Variants in FBN2 observed in about 807,000 individuals in gnomAD.
FBN2 encodes the protein fibrillin 2, also known as fibrillin-2.
A neutral mutation model predicts 355.6 loss-of-function variants in FBN2; 105 were observed. That is an observed-to-expected ratio of 0.30 (90% CI 0.25 to 0.35). The LOEUF (loss-of-function observed/expected upper bound fraction) is 0.35. FBN2 is among the 10% of genes least tolerant of loss of function. The pLI is 1.00. For synonymous variants in FBN2, 1,350 were observed against 1,301.2 expected (o/e 1.04, Z -0.81); for missense variants, 3,280 against 3,758.7 (o/e 0.87, Z 3.33).
At chr5:128,309,133 AT>A in intron 41 of FBN2, 113 bp downstream of exon 41, 2 of 1,126,714 alleles carry the variant, frequency 1.8e-6, no homozygotes, top group Non-Finnish European at 1.3e-6. Flanking sequence ...GCTCTTGGGA[AT>A]TTTTGGAACT....
chr5:128,510,800 G>T (rs1482679162), intron 5 of FBN2, among the ~76,000 whole-genome samples: 1 of 152,000 alleles, frequency 6.6e-6, no homozygotes, highest in African/African-American at 2.4e-5. Context: ...TACTCATATT[G>T]AACTGACACA....
intron 15 of FBN2, among the ~76,000 whole-genome samples, chr5:128,372,006 C>T (rs1715345266): frequency 6.6e-6 from 1 of 152,076 alleles, no homozygotes; most frequent in South Asian, 2.1e-4. Context: ...AGACTATGAC[C>T]TAGATATGAT....
At chr5:128,353,287 C>A (rs1000164018) in intron 20 of FBN2, among the ~76,000 whole-genome samples, 1 of 152,082 alleles carries the variant, frequency 6.6e-6, no homozygotes, top group Non-Finnish European at 1.5e-5. Context: ...ATAGTAATTT[C>A]TGATTCCCTA....
At chr5:128,291,095 C>T (rs1028255760) in intron 49 of FBN2, among the ~76,000 whole-genome samples, 2 of 152,026 alleles carry the variant, frequency 1.3e-5, no homozygotes, top group African/African-American at 2.4e-5. Context: ...TTATAATGTG[C>T]TAAGAAAATT....
At chr5:128,481,958 C>A (rs6595829) in intron 5 of FBN2, among the ~76,000 whole-genome samples, 57,462 of 151,898 alleles carry the variant, frequency 0.38, 12,278 homozygotes, top group African/African-American at 0.59. Flanking sequence ...ACTGTGGGTT[C>A]CATATGTAAT....
At chr5:128,263,733 G>C (rs570581245) in intron 62 of FBN2, 77 bp from the exon 63 acceptor site, 1 of 954,028 alleles carries the variant, frequency 1.0e-6, no homozygotes, top group Non-Finnish European at 1.6e-6. Context: ...GGAGTCTCAA[G>C]TGCCTGTGAT....
Position 128,291,522 on chromosome 5 carries a change from A to G in FBN2, c.6292+7T>C, listed in dbSNP as rs775471488. The G allele has an allele frequency of 8.7e-6, 14 of 1,613,734 alleles. No individual in the cohort carries two copies. Among genetic ancestry groups the G allele is most frequent in the Non-Finnish European group, 1.1e-5 (13 of 1,179,824 alleles). On this transcript the variant is annotated splice_region_variant and intron_variant, in intron 49 of 64. Coordinates refer to ENST00000262464, the MANE Select transcript of FBN2 (RefSeq NM_001999.4). ...AACTGTGACAGTGAAGTCATGCCAA[A>G]TCTTACCAAAGCATCTCCGTCCATT...
chr5:128,428,907 T>C (rs1223220805), intron 7 of FBN2, among the ~76,000 whole-genome samples: 2 of 152,172 alleles, frequency 1.3e-5, no homozygotes, highest in Non-Finnish European at 2.9e-5. Context: ...CTCTCACGGA[T>C]GATTCTAGGG....
intron 6 of FBN2, among the ~76,000 whole-genome samples, chr5:128,447,158 A>G (rs1445117363): frequency 6.6e-6 from 1 of 152,196 alleles, no homozygotes; most frequent in African/African-American, 2.4e-5. Flanking sequence ...TAACGGCACA[A>G]ATTGTTTAAA....
In FBN2 at chr5:128,278,664, T is replaced by C; in HGVS notation, c.7316A>G (p.His2439Arg). 2 of 1,614,092 alleles carry C rather than the reference T, an allele frequency of 1.2e-6. No homozygotes were observed. ...TCCATCAGTTGTATATCCTGGGCCA[T>C]GAGGACATATCTTTTTGTACTGGGC... Reference protein sequence around the residue: ...GTAQYKKICPHGPGYTTDGRD... With the variant: ...GTAQYKKICPRGPGYTTDGRD... The change falls in exon 57 of 65, where the codon CAT becomes CGT. Residue 2439 changes from histidine to arginine, a missense_variant. Transcript: ENST00000262464.
chr5:128,364,663 C>G lies in FBN2; in HGVS notation c.2365G>C (p.Gly789Arg), dbSNP rs886038969. Residue 789 changes from glycine to arginine, a missense_variant, in exon 18 of 65, where the codon GGT becomes CGT. Physicochemically the swap from Gly to Arg is moderately radical, Grantham distance 125. Transcript: ENST00000262464. ...CANGICENLR[G>R]SYRCNCNSGY... ...CTGTTGCAATTACAACGGTAACTAC[C>G]ACGTAAGTTTTCACAAATCCCATTG... 1.9e-6 allele frequency: 3 copies of G among 1,613,282 alleles called. 1 individual carries two copies. In the Admixed American group the frequency reaches 5.0e-5, roughly 27 times the overall value.
intron 7 of FBN2, among the ~76,000 whole-genome samples, chr5:128,418,203 T>A (rs192893154): frequency 1.7e-3 from 265 of 152,286 alleles, no homozygotes; most frequent in African/African-American, 5.9e-3. Flanking sequence ...GATTAGTTAG[T>A]CATCTCAACT....
intron 5 of FBN2, among the ~76,000 whole-genome samples, chr5:128,481,000 C>G (rs529747830): frequency 6.6e-6 from 1 of 152,136 alleles, no homozygotes. Context: ...ATAGCAGGAT[C>G]CTTCCAAGAA....
chr5:128,472,745 C>T (rs781713384), intron 5 of FBN2, among the ~76,000 whole-genome samples: 2 of 150,866 alleles, frequency 1.3e-5, no homozygotes, highest in Non-Finnish European at 2.9e-5. Context: ...GAGCTGAGAT[C>T]GCGCCATTGC....
At chr5:128,349,841 T>C (rs913988499) in intron 22 of FBN2, 114 bp downstream of exon 22, 21 of 832,856 alleles carry the variant, frequency 2.5e-5, no homozygotes, top group Non-Finnish European at 4.1e-5. Context: ...AGTATTTTTA[T>C]TGAAATGTCA....
At position 128,293,787 on chromosome 5, in the gene FBN2, G is replaced by A. The variant is rs934670088; in HGVS notation, c.6167-2133C>T. On this transcript the variant is annotated intron_variant, in intron 48 of 64. Coordinates refer to ENST00000262464, the MANE Select transcript of FBN2 (RefSeq NM_001999.4). ...AAAGAAGAATCAAGATTGAGCATGA[G>A]CAAAGAAAATGGAAGAACAACAGGA... 3.3e-5 allele frequency among the ~76,000 whole-genome samples: 5 copies of A among 151,844 alleles called. No homozygotes were observed. The East Asian group carries it at 5.8e-4, about 18-fold the overall frequency.
At chr5:128,437,787 TA>T (rs1753809543) in intron 7 of FBN2, among the ~76,000 whole-genome samples, 1 of 134,526 alleles carries the variant, frequency 7.4e-6, no homozygotes. Flanking sequence ...GATAGATAGA[TA>T]GATAGATAGA....
intron 5 of FBN2, among the ~76,000 whole-genome samples, chr5:128,491,542 C>A (rs1755504655): frequency 6.6e-6 from 1 of 152,180 alleles, no homozygotes; most frequent in Admixed American, 6.5e-5. Flanking sequence ...ATTCACACTA[C>A]CACAACCCAC....
chr5:128,469,526 G>A (rs1017697768), intron 5 of FBN2, among the ~76,000 whole-genome samples: 17 of 38,750 alleles, frequency 4.4e-4, no homozygotes, highest in South Asian at 1.4e-3. Flanking sequence ...GCAAGACTCC[G>A]TCTCAAAAAA....
Sources: gnomAD v4.1 joint callset for allele counts (sites outside exome capture counted in the v4.1 genomes callset) on GRCh38, gnomAD v4.1.1 for gene constraint, MANE v1.5 for transcripts, NCBI Gene and HGNC (gene_info 2026-07-23, HGNC 2026-07-21) for gene names.